The following PLEKHA5 variants were observed in gnomAD, a reference collection of about 807,000 sequenced individuals.
The protein encoded by PLEKHA5 is pleckstrin homology domain-containing family A member 5.
In PLEKHA5, 55 loss-of-function variants were observed where a neutral mutation model predicts 181.9. The ratio of observed to expected loss-of-function variants is 0.30; its 90% CI spans 0.24 to 0.38. The LOEUF is 0.38. Ranked by LOEUF, PLEKHA5 falls within the 10% of genes least tolerant of loss-of-function variation. PLEKHA5 has a pLI of 1.00. For missense variants in PLEKHA5, 1,432 were observed against 1,549.5 expected, an observed-to-expected ratio of 0.92 and a Z score of 1.27; for synonymous variants, 535 against 529.4, an observed-to-expected ratio of 1.01 and a Z score of -0.15.
intron 11 of PLEKHA5, among the ~76,000 whole-genome samples, chr12:19,278,433 A>G (rs139245836): frequency 1.5e-3 from 234 of 152,282 alleles, no homozygotes; most frequent in Middle Eastern, 3.4e-3. Context: ...TTGATAATGT[A>G]TGTCCCCTTC....
intron 3 of PLEKHA5, among the ~76,000 whole-genome samples, chr12:19,180,550 C>T (rs557319592): frequency 3.8e-4 from 58 of 152,080 alleles, no homozygotes; most frequent in Admixed American, 1.9e-3. Context: ...TAAAAGGCAC[C>T]TTGTTATTAT....
At chr12:19,220,254 A>G (rs2058731292) in intron 3 of PLEKHA5, among the ~76,000 whole-genome samples, 1 of 151,322 alleles carries the variant, frequency 6.6e-6, no homozygotes, top group African/African-American at 2.4e-5. Context: ...ATATGTGTTC[A>G]TGGAATGCAG....
intron 3 of PLEKHA5, among the ~76,000 whole-genome samples, chr12:19,244,565 G>T (rs1003058559): frequency 6.6e-6 from 1 of 152,182 alleles, no homozygotes; most frequent in Non-Finnish European, 1.5e-5. Flanking sequence ...TTGCCAAATG[G>T]CAGCTGCCAA....
intron 3 of PLEKHA5, among the ~76,000 whole-genome samples, chr12:19,249,453 C>T (rs2064684630): frequency 1.3e-5 from 2 of 152,148 alleles, no homozygotes; most frequent in African/African-American, 4.8e-5. Flanking sequence ...AGAGAGATTT[C>T]ATCACACTAC....
At position 19,359,453 on chromosome 12, in the gene PLEKHA5, A is replaced by G. The variant is rs1214562767; in HGVS notation, c.3390A>G (p.Arg1130=). ...RDDKELDTAI[R]ENDVKPDHET... ...ATAAGGAACTGGACACTGCCATTAG[A>G]GAAAATGATGTAAAGCCAGACCATG... The change falls in exon 28 of 32, where the codon AGA becomes AGG. Residue 1130 remains arginine, a synonymous_variant. Coordinates refer to ENST00000429027, the MANE Select transcript of PLEKHA5 (RefSeq NM_001256470.2). The G allele has an allele frequency of 6.2e-7, 1 of 1,613,758 alleles. No homozygotes were observed. Among genetic ancestry groups the G allele is most frequent in the Non-Finnish European group, 8.5e-7 (1 of 1,179,652 alleles).
chr12:19,367,258 C>CTTTTT (rs376634416), intron 30 of PLEKHA5, among the ~76,000 whole-genome samples: 11 of 71,988 alleles, frequency 1.5e-4, no homozygotes, highest in African/African-American at 5.0e-4. Context: ...TTTGCTTCTT[C>CTTTTT]TTTTTTTTTT....
At chr12:19,290,139 C>T (rs2078090633) in intron 13 of PLEKHA5, among the ~76,000 whole-genome samples, 1 of 151,506 alleles carries the variant, frequency 6.6e-6, no homozygotes, top group African/African-American at 2.4e-5. Context: ...AGAGGCAGGG[C>T]TCAGGCTGGT....
chr12:19,132,453 G>A lies in PLEKHA5; in HGVS notation c.227+3G>A, dbSNP rs773227514. ...GAAGGTGCAAGATACTATATAAAGT[G>A]AGTTTTTTGACTTTCATTTTTTTCC... On this transcript the variant is annotated splice_donor_region_variant and intron_variant, in intron 3 of 31. Coordinates refer to ENST00000429027, the MANE Select transcript of PLEKHA5 (RefSeq NM_001256470.2). 13 of 1,512,332 alleles carry A rather than the reference G, an allele frequency of 8.6e-6. No individual in the cohort carries two copies. In the South Asian group the frequency reaches 1.4e-4, roughly 16 times the overall value. 93.7% of individuals were successfully genotyped at this position (1,512,332 alleles called of 1,614,324 possible).
intron 21 of PLEKHA5, among the ~76,000 whole-genome samples, chr12:19,338,742 T>C (rs1344484253): frequency 1.3e-5 from 2 of 151,280 alleles, no homozygotes; most frequent in Non-Finnish European, 2.9e-5. Flanking sequence ...TCAGCTACAA[T>C]AATCAGCTAC....
chr12:19,275,158 T>C (rs116571666), intron 11 of PLEKHA5, among the ~76,000 whole-genome samples, 175 bp downstream of exon 11: 61 of 152,320 alleles, frequency 4.0e-4, no homozygotes, highest in African/African-American at 1.5e-3. Flanking sequence ...CTCTGTCTCT[T>C]ATGTTCTGTC....
chr12:19,199,404 AG>A (rs2053671950), intron 3 of PLEKHA5, among the ~76,000 whole-genome samples: 1 of 152,134 alleles, frequency 6.6e-6, no homozygotes. Flanking sequence ...TGTTGTACTG[AG>A]GAGTGTCACT....
chr12:19,306,657 G>T, intron 15 of PLEKHA5: 3 of 1,418,586 alleles, frequency 2.1e-6, no homozygotes, highest in Admixed American at 1.7e-5. Context: ...ATAGGTGACT[G>T]ATCTCCCCGG....
chr12:19,339,716 C>T (rs988238706), intron 21 of PLEKHA5, among the ~76,000 whole-genome samples: 1 of 152,012 alleles, frequency 6.6e-6, no homozygotes, highest in African/African-American at 2.4e-5. Context: ...AATGAGAAGT[C>T]ATACTCTATG....
chr12:19,320,351 C>T (rs536127325), intron 17 of PLEKHA5, among the ~76,000 whole-genome samples: 17 of 152,058 alleles, frequency 1.1e-4, no homozygotes, highest in Admixed American at 2.0e-4. Flanking sequence ...TTACATACAT[C>T]GTTCGTATGT....
chr12:19,352,449 AC>A (rs2094649015), intron 25 of PLEKHA5, among the ~76,000 whole-genome samples: 1 of 152,120 alleles, frequency 6.6e-6, no homozygotes, highest in South Asian at 2.1e-4. Context: ...GCTATTGTTA[AC>A]ATTGTTAGTG....
At chr12:19,306,946 C>A in intron 15 of PLEKHA5, 1 of 1,054,576 alleles carries the variant, frequency 9.5e-7, no homozygotes, top group Non-Finnish European at 1.4e-6. Flanking sequence ...TGGTGTTGGG[C>A]TCCTGCCTAC....
chr12:19,306,344 G>T, intron 15 of PLEKHA5: 1 of 431,936 alleles, frequency 2.3e-6, no homozygotes, highest in East Asian at 6.2e-5. Flanking sequence ...GTGGCCGTTT[G>T]TTTTCTCGTG....
chr12:19,347,149 A>G lies in PLEKHA5; in HGVS notation c.2865A>G (p.Gln955=), dbSNP rs765710237. Residue 955 remains glutamine, a synonymous_variant, in exon 24 of 32, where the codon CAA becomes CAG. Transcript: ENST00000429027. Reference sequence around the variant, plus strand: ...TGCCTGAAGAAAAGAAGATGTATCAAGTTCAAGGATATCCAAGAAATGGAT... The same window carrying G: ...TGCCTGAAGAAAAGAAGATGTATCAGGTTCAAGGATATCCAAGAAATGGAT... ...VHLPEEKKMY[Q]VQGYPRNGSH... The G allele has an allele frequency of 4.5e-6, 7 of 1,549,544 alleles. No homozygotes were observed. The South Asian group carries it at 7.2e-5, about 16-fold the overall frequency.
intron 18 of PLEKHA5, chr12:19,321,502 C>G (rs1440552316): frequency 6.7e-6 from 1 of 149,274 alleles, no homozygotes; most frequent in African/African-American, 2.5e-5. Context: ...TAGCTGGGAT[C>G]ACGGGAGCAT....
Sources: allele counts gnomAD v4.1 joint callset (sites outside exome capture counted in the v4.1 genomes callset), GRCh38; gene constraint gnomAD v4.1.1; transcripts MANE v1.5; gene names NCBI Gene and HGNC (gene_info 2026-07-23, HGNC 2026-07-21).